The following ADGRB3 variants were observed in gnomAD, a reference collection of about 807,000 sequenced individuals.
The protein encoded by ADGRB3 is adhesion G protein-coupled receptor B3, also known as brain-specific angiogenesis inhibitor 3.
A neutral mutation model predicts 193.4 loss-of-function variants in ADGRB3; 37 were observed. That is an observed-to-expected ratio of 0.19 (90% CI 0.15 to 0.25). ADGRB3 has a LOEUF of 0.25. Among genes scored for constraint, ADGRB3 ranks in the 10% least tolerant of loss-of-function variants. The pLI, the probability that ADGRB3 is intolerant of heterozygous loss-of-function variation, is 1.00. For missense variants in ADGRB3, 1,637 were observed against 1,852.9 expected (o/e 0.88, Z 2.14); for synonymous variants, 690 against 644.2 (o/e 1.07, Z -1.08).
At chr6:68,826,937 G>T (rs1767855047) in intron 3 of ADGRB3, among the ~76,000 whole-genome samples, 1 of 152,176 alleles carries the variant, frequency 6.6e-6, no homozygotes, top group Non-Finnish European at 1.5e-5. Flanking sequence ...GTTTGGAGAT[G>T]CCTATTAAAC....
chr6:69,120,158 G>T (rs1487291095), intron 17 of ADGRB3, among the ~76,000 whole-genome samples: 2 of 152,230 alleles, frequency 1.3e-5, no homozygotes, highest in South Asian at 2.1e-4. Flanking sequence ...AATGGATCAG[G>T]TTTGTGGGGT....
At chr6:69,219,991 ATAAGCCTCAT>A (rs1561956917) in intron 17 of ADGRB3, among the ~76,000 whole-genome samples, 1 of 152,072 alleles carries the variant, frequency 6.6e-6, no homozygotes, top group Non-Finnish European at 1.5e-5. Flanking sequence ...CTTTTCCATT[ATAAGCCTCAT>A]TTTTAAGATG....
In ADGRB3 at chr6:69,360,745, T is replaced by A. The variant is rs375561013; in HGVS notation, c.3596-124T>A. The A allele has an allele frequency of 9.7e-5, 99 of 1,015,694 alleles. No individual in the cohort carries two copies. The South Asian group carries it at 1.0e-3, about 11-fold the overall frequency. 62.9% of individuals were successfully genotyped at this position (1,015,694 alleles called of 1,614,324 possible). A position where few individuals can be genotyped will look rare whatever the true frequency, so the allele number is the denominator to read the frequency against. ...CAAACAAATTGATATGTATTTTTTT[T>A]AAATAACATACCTACCAAATAATAT... is the stretch of plus-strand genomic sequence containing the variant. On this transcript the variant is annotated intron_variant, in intron 28 of 31. Transcript: ENST00000370598.
In ADGRB3 at chr6:69,380,244, A is replaced by T. The variant is rs1188442699; in HGVS notation, c.4276-2587A>T. Among the ~76,000 whole-genome samples the T allele has an allele frequency of 2.0e-5, 3 of 152,002 alleles. No homozygotes were observed. The East Asian group carries it at 5.8e-4, about 29-fold the overall frequency. On this transcript the variant is annotated intron_variant, in intron 30 of 31. Transcript: ENST00000370598. ...AAACATTAGGTGACTTTGACTAATG[A>T]AATAACTGTTGGAAGGGGATGGAAT...
chr6:69,050,831 G>T (rs1206982200), intron 15 of ADGRB3, among the ~76,000 whole-genome samples: 1 of 152,108 alleles, frequency 6.6e-6, no homozygotes, highest in Admixed American at 6.5e-5. Flanking sequence ...ATGTATTTAT[G>T]TGCTACATTC....
At chr6:68,686,696 A>G (rs1377945329) in intron 3 of ADGRB3, among the ~76,000 whole-genome samples, 1 of 152,190 alleles carries the variant, frequency 6.6e-6, no homozygotes, top group Non-Finnish European at 1.5e-5. Context: ...GTCAATTGTC[A>G]GTCTTTCTCA....
intron 3 of ADGRB3, among the ~76,000 whole-genome samples, chr6:68,840,451 C>G: frequency 7.7e-6 from 1 of 129,650 alleles, no homozygotes; most frequent in East Asian, 2.4e-4. Context: ...AGTGCAGTGG[C>G]ACAATCACCT....
At chr6:69,062,851 A>T (rs1181288348) in intron 15 of ADGRB3, 83 bp from the exon 16 acceptor site, 47 of 963,908 alleles carry the variant, frequency 4.9e-5, no homozygotes, top group Non-Finnish European at 6.3e-5. Context: ...TTTATTTGAA[A>T]CCATCCCAAA....
At chr6:69,199,468 G>A (rs1765374023) in intron 17 of ADGRB3, among the ~76,000 whole-genome samples, 1 of 151,946 alleles carries the variant, frequency 6.6e-6, no homozygotes, top group African/African-American at 2.4e-5. Flanking sequence ...TAGAGTTCCT[G>A]GTGTATGATC....
At chr6:69,026,258 G>A (rs1271323659) in intron 13 of ADGRB3, among the ~76,000 whole-genome samples, 1 of 152,304 alleles carries the variant, frequency 6.6e-6, no homozygotes, top group African/African-American at 2.4e-5. Context: ...CGAGTCAAGA[G>A]AGCAGTGTCA....
intron 3 of ADGRB3, among the ~76,000 whole-genome samples, chr6:68,820,061 T>C (rs1158955902): frequency 6.6e-6 from 1 of 152,062 alleles, no homozygotes; most frequent in Non-Finnish European, 1.5e-5. Context: ...GTAGCTTCCA[T>C]TGCCTTCTGC....
intron 3 of ADGRB3, among the ~76,000 whole-genome samples, chr6:68,772,874 CAAACAAACAAAAA>C (rs1320444740): frequency 3.1e-3 from 39 of 12,546 alleles, no homozygotes; most frequent in African/African-American, 8.8e-3. Flanking sequence ...AACAAACAAA[CAAACAAACAAAAA>C]AAAAAAAATA....
chr6:69,033,878 T>C (rs900432239), intron 13 of ADGRB3, among the ~76,000 whole-genome samples: 1 of 152,086 alleles, frequency 6.6e-6, no homozygotes, highest in African/African-American at 2.4e-5. Context: ...GGGTTTATAA[T>C]TGTCTATACT....
At chr6:68,762,610 A>G (rs1472324864) in intron 3 of ADGRB3, among the ~76,000 whole-genome samples, 1 of 152,132 alleles carries the variant, frequency 6.6e-6, no homozygotes, top group African/African-American at 2.4e-5. Flanking sequence ...GTAAATTAAA[A>G]CAATAAAATA....
chr6:68,845,306 G>A (rs1203468365), intron 3 of ADGRB3, among the ~76,000 whole-genome samples: 6 of 152,046 alleles, frequency 3.9e-5, no homozygotes, highest in Admixed American at 2.0e-4. Context: ...TGATGATAGA[G>A]GCAGAGATTG....
Position 68,845,324 on chromosome 6 carries a change from G to A in ADGRB3, c.758-85235G>A, listed in dbSNP as rs185904857. Among the ~76,000 whole-genome samples, 8 of 152,248 alleles carry A rather than the reference G, an allele frequency of 5.3e-5. No individual in the cohort carries two copies. In the East Asian group the frequency reaches 1.6e-3, roughly 30 times the overall value. On this transcript the variant is annotated intron_variant, in intron 3 of 31. Coordinates refer to ENST00000370598, the MANE Select transcript of ADGRB3 (RefSeq NM_001704.3). ...TGATAGAGGCAGAGATTGGAGTGAT[G>A]CATCTATAAGTCAAGGAACACCAAG...
chr6:68,744,523 G>A (rs916491969), intron 3 of ADGRB3, among the ~76,000 whole-genome samples: 1 of 152,160 alleles, frequency 6.6e-6, no homozygotes, highest in East Asian at 1.9e-4. Context: ...TAAAGAAAAT[G>A]TGGCACACAT....
chr6:68,808,747 A>T (rs886911635), intron 3 of ADGRB3, among the ~76,000 whole-genome samples: 1 of 152,144 alleles, frequency 6.6e-6, no homozygotes, highest in Non-Finnish European at 1.5e-5. Flanking sequence ...AGGAGGAGGA[A>T]AAAAGGGGGA....
chr6:69,281,439 C>T (rs1767434193), intron 20 of ADGRB3, among the ~76,000 whole-genome samples: 1 of 152,174 alleles, frequency 6.6e-6, no homozygotes, highest in South Asian at 2.1e-4. Flanking sequence ...AACAATTTGA[C>T]ACCCAATCTG....
Sources: allele counts gnomAD v4.1 joint callset (sites outside exome capture counted in the v4.1 genomes callset), GRCh38; gene constraint gnomAD v4.1.1; transcripts MANE v1.5; gene names NCBI Gene and HGNC (gene_info 2026-07-23, HGNC 2026-07-21).